Variants in BTBD9 observed in about 807,000 individuals in gnomAD.
The protein encoded by BTBD9 is BTB domain containing 9.
In BTBD9, 49 loss-of-function variants were observed where a neutral mutation model predicts 64.3. That is an observed-to-expected ratio of 0.76 (90% CI 0.61 to 0.97). BTBD9 has a LOEUF of 0.97. Ranked by LOEUF, BTBD9 falls within the 50% of genes least tolerant of loss-of-function variation. The pLI is 0.00. For missense variants in BTBD9, 598 were observed against 762.1 expected (o/e 0.78, Z 2.53); for synonymous variants, 260 against 274.7 (o/e 0.95, Z 0.53).
At chr6:38,311,198 A>ATT (rs113937215) in intron 7 of BTBD9, among the ~76,000 whole-genome samples, 3,930 of 141,332 alleles carry the variant, frequency 0.028, 167 homozygotes, top group African/African-American at 0.095. Flanking sequence ...TATTCATCCT[A>ATT]TTTTTTTTTT....
intron 9 of BTBD9, among the ~76,000 whole-genome samples, chr6:38,239,920 A>G (rs1393630971): frequency 6.6e-6 from 1 of 152,250 alleles, no homozygotes; most frequent in African/African-American, 2.4e-5. Flanking sequence ...CACTTACCTT[A>G]TCAGAAAGAG....
intron 6 of BTBD9, among the ~76,000 whole-genome samples, chr6:38,395,391 C>T (rs1012755922): frequency 3.3e-5 from 5 of 152,080 alleles, no homozygotes; most frequent in East Asian, 1.9e-4. Flanking sequence ...GAGCCATGAT[C>T]ATACCAGCTT....
intron 9 of BTBD9, among the ~76,000 whole-genome samples, chr6:38,199,812 C>T (rs1219901501): frequency 6.6e-6 from 1 of 152,208 alleles, no homozygotes. Flanking sequence ...GCCCACAAAC[C>T]CATCCATATA....
chr6:38,520,102 A>T (rs1773213732), intron 6 of BTBD9, among the ~76,000 whole-genome samples: 1 of 152,154 alleles, frequency 6.6e-6, no homozygotes, highest in South Asian at 2.1e-4. Flanking sequence ...CATATACATT[A>T]TGATCCAATT....
At chr6:38,251,251 T>C (rs1278495672) in intron 9 of BTBD9, among the ~76,000 whole-genome samples, 1 of 151,016 alleles carries the variant, frequency 6.6e-6, no homozygotes, top group East Asian at 2.0e-4. Context: ...GTTAAGTTAA[T>C]AAAAGAGGTG....
At chr6:38,240,229 A>G (rs866840981) in intron 9 of BTBD9, among the ~76,000 whole-genome samples, 2 of 152,172 alleles carry the variant, frequency 1.3e-5, no homozygotes, top group South Asian at 2.1e-4. Flanking sequence ...TGTTATCCCT[A>G]CTGAGTCACT....
intron 9 of BTBD9, among the ~76,000 whole-genome samples, chr6:38,203,928 G>A (rs564946381): frequency 1.3e-5 from 2 of 152,202 alleles, no homozygotes; most frequent in Admixed American, 1.3e-4. Flanking sequence ...ACATAGAAAT[G>A]ATAAATACTC....
At chr6:38,495,723 G>A in intron 6 of BTBD9, among the ~76,000 whole-genome samples, 1 of 145,546 alleles carries the variant, frequency 6.9e-6, no homozygotes, top group Non-Finnish European at 1.5e-5. Context: ...ATCCAAGTAT[G>A]ACTGGAGGAC....
chr6:38,175,531 T>G lies in BTBD9; in HGVS notation c.1642-349A>C, dbSNP rs1761195626. ...TTAATTAATTTTTGTATTTGGCAGT[T>G]GGGTTAAAAGTCAACAGGAGTTGAC... is the stretch of plus-strand genomic sequence containing the variant. On this transcript the variant is annotated intron_variant, in intron 10 of 10. Coordinates refer to ENST00000481247, the MANE Select transcript of BTBD9 (RefSeq NM_001099272.2). 3.4e-5 allele frequency among the ~76,000 whole-genome samples: 5 copies of G among 148,224 alleles called. No individual in the cohort carries two copies. In the South Asian group the frequency reaches 1.1e-3, roughly 32 times the overall value.
At chr6:38,266,639 AAAGAAAGAAAGAAAGAAAG>A (rs1765004232) in intron 8 of BTBD9, among the ~76,000 whole-genome samples, 2 of 125,184 alleles carry the variant, frequency 1.6e-5, no homozygotes, top group African/African-American at 7.2e-5. Flanking sequence ...AGAAAGAAAG[AAAGAAAGAAAGAAAGAAAG>A]AAAGAAAGAA....
chr6:38,221,993 G>A (rs1160765011), intron 9 of BTBD9, among the ~76,000 whole-genome samples: 1 of 150,768 alleles, frequency 6.6e-6, no homozygotes, highest in Non-Finnish European at 1.5e-5. Flanking sequence ...CTGTCTCGAA[G>A]AAAAAAAATA....
intron 1 of BTBD9, among the ~76,000 whole-genome samples, chr6:38,631,737 G>T (rs1175950051): frequency 2.0e-5 from 3 of 152,146 alleles, no homozygotes; most frequent in Non-Finnish European, 4.4e-5. Flanking sequence ...CTATAGCAAT[G>T]GTCAAAAGCT....
intron 6 of BTBD9, among the ~76,000 whole-genome samples, chr6:38,441,455 T>C (rs1769027774): frequency 6.6e-6 from 1 of 152,094 alleles, no homozygotes; most frequent in African/African-American, 2.4e-5. Flanking sequence ...GGGGTCCCAG[T>C]CTGTCGTCCG....
rs574871675 is a variant in BTBD9, at chr6:38,232,848, G to C, written c.1562+23561C>G. On this transcript the variant is annotated intron_variant, in intron 9 of 10. Transcript: ENST00000481247. Reference sequence around the variant, plus strand: ...TGGATCACGGATTAGTAACACATAAGAGGCCAGGCTTCCTCCTATAGCCCA... The same window carrying C: ...TGGATCACGGATTAGTAACACATAACAGGCCAGGCTTCCTCCTATAGCCCA... Among the ~76,000 whole-genome samples the C allele has an allele frequency of 7.9e-5, 12 of 152,226 alleles. No individual in the cohort carries two copies. In the South Asian group the frequency reaches 2.3e-3, roughly 29 times the overall value.
intron 6 of BTBD9, among the ~76,000 whole-genome samples, chr6:38,526,609 G>C (rs1346939226): frequency 6.6e-6 from 1 of 152,238 alleles, no homozygotes; most frequent in Non-Finnish European, 1.5e-5. Flanking sequence ...GCCCATGAAG[G>C]AGCTGTCCAA....
At chr6:38,301,628 T>A (rs1331410794) in intron 7 of BTBD9, among the ~76,000 whole-genome samples, 3 of 152,228 alleles carry the variant, frequency 2.0e-5, no homozygotes, top group Non-Finnish European at 2.9e-5. Flanking sequence ...TTCTTCTAGG[T>A]TTTCTAGTTT....
chr6:38,426,422 G>C (rs1030770638), intron 6 of BTBD9, among the ~76,000 whole-genome samples: 1 of 151,962 alleles, frequency 6.6e-6, no homozygotes, highest in Non-Finnish European at 1.5e-5. Flanking sequence ...CCCTCCCCTT[G>C]AATGGGAGCT....
chr6:38,549,542 A>G (rs879699053), intron 6 of BTBD9, among the ~76,000 whole-genome samples: 3 of 152,168 alleles, frequency 2.0e-5, no homozygotes, highest in Non-Finnish European at 4.4e-5. Flanking sequence ...GAACTGTCAA[A>G]CGAAAGGAGA....
chr6:38,600,544 C>T (rs1258193158), intron 1 of BTBD9, among the ~76,000 whole-genome samples: 1 of 152,090 alleles, frequency 6.6e-6, no homozygotes, highest in East Asian at 1.9e-4. Context: ...AATACAAACT[C>T]TCACATCACT....
Sources: allele counts gnomAD v4.1 joint callset (sites outside exome capture counted in the v4.1 genomes callset), GRCh38; gene constraint gnomAD v4.1.1; transcripts MANE v1.5; gene names NCBI Gene and HGNC (gene_info 2026-07-23, HGNC 2026-07-21).